SULF1: variants seen among roughly 807,000 people sequenced by gnomAD.
The protein encoded by SULF1 is extracellular sulfatase Sulf-1.
In SULF1, 46 loss-of-function variants were observed where a neutral mutation model predicts 110.5. The ratio of observed to expected loss-of-function variants is 0.42; its 90% CI spans 0.33 to 0.53. The LOEUF is 0.53. Among genes scored for constraint, SULF1 ranks in the 20% least tolerant of loss-of-function variants. The pLI is 0.12. For missense variants in SULF1, 941 were observed against 1,094.2 expected (o/e 0.86, Z 1.98); for synonymous variants, 371 against 387.1 (o/e 0.96, Z 0.49).
chr8:69,503,557 A>C (rs1005135506), intron 3 of SULF1, among the ~76,000 whole-genome samples: 3 of 152,210 alleles, frequency 2.0e-5, no homozygotes, highest in African/African-American at 7.2e-5. Flanking sequence ...TTATCTCTTG[A>C]ATCAGGTTGT....
At chr8:69,648,349 A>G (rs1812089182) in intron 22 of SULF1, among the ~76,000 whole-genome samples, 1 of 152,126 alleles carries the variant, frequency 6.6e-6, no homozygotes, top group African/African-American at 2.4e-5. Context: ...ATGCTTTATG[A>G]TTTTTCTGAT....
At chr8:69,593,503 T>C (rs1333557059) in intron 8 of SULF1, among the ~76,000 whole-genome samples, 2 of 152,204 alleles carry the variant, frequency 1.3e-5, no homozygotes, top group Non-Finnish European at 1.5e-5. Flanking sequence ...TGGCATCGGG[T>C]TATAACTACC....
intron 13 of SULF1, among the ~76,000 whole-genome samples, chr8:69,605,240 T>C (rs577871724): frequency 5.9e-5 from 9 of 152,278 alleles, no homozygotes; most frequent in Non-Finnish European, 1.0e-4. Context: ...AACTAGTCAC[T>C]GAAGAGTTGC....
At chr8:69,489,332 G>T (rs1309148368), upstream of SULF1, among the ~76,000 whole-genome samples, 1 of 152,110 alleles carries the variant, frequency 6.6e-6, no homozygotes. Flanking sequence ...CCAAGACCAT[G>T]TAATTAGCTA....
intron 1 of SULF1, among the ~76,000 whole-genome samples, chr8:69,486,542 G>A (rs970622602): frequency 2.6e-5 from 4 of 152,066 alleles, no homozygotes; most frequent in African/African-American, 9.7e-5. Context: ...TCTTCCCACA[G>A]TTTACTAGAG....
chr8:69,622,439 G>T (rs576768967), intron 14 of SULF1, among the ~76,000 whole-genome samples: 41 of 152,020 alleles, frequency 2.7e-4, no homozygotes, highest in Non-Finnish European at 4.7e-4. Context: ...AAAATTAGCT[G>T]GGCATGGTGG....
rs1815703449 is a variant in SULF1, at chr8:69,564,157, T to G, written c.172+10T>G. 6.2e-7 allele frequency: 1 copy of G among 1,613,866 alleles called. No homozygotes were observed. The highest frequency in any genetic ancestry group is 1.1e-5 in the South Asian group (1 of 91,068). On this transcript the variant is annotated intron_variant, in intron 5 of 22. Coordinates refer to ENST00000402687, the MANE Select transcript of SULF1 (RefSeq NM_001128205.2). ...CAAGATGTGGAGCTGGGTGAGACAC[T>G]GGACTCTTCACTTGTTAGTCTCTTT... is the stretch of plus-strand genomic sequence containing the variant.
At position 69,542,144 on chromosome 8, in the gene SULF1, A is replaced by G. The variant is rs556814476; in HGVS notation, c.-133-21395A>G. On this transcript the variant is annotated intron_variant, in intron 3 of 22. Transcript: ENST00000402687. ...AGCTGGTGACATACAGTTATATTCC[A>G]TTCTTCTTCCCATACCTTCCTCATT... 3.5e-4 allele frequency among the ~76,000 whole-genome samples: 54 copies of G among 152,298 alleles called. 1 individual carries two copies. Among genetic ancestry groups the G allele is most frequent in the African/African-American group, 1.2e-3 (49 of 41,558 alleles).
At chr8:69,565,892 C>T (rs192813589) in intron 5 of SULF1, among the ~76,000 whole-genome samples, 4 of 152,260 alleles carry the variant, frequency 2.6e-5, no homozygotes, top group South Asian at 2.1e-4. Context: ...TCACCCCCCT[C>T]GCCTCTATCC....
chr8:69,495,705 T>TA (rs1285838478), intron 1 of SULF1, 60 bp from the exon 2 acceptor site: 1 of 152,232 alleles, frequency 6.6e-6, no homozygotes, highest in Admixed American at 6.5e-5. Flanking sequence ...TACTTATTCA[T>TA]AAAAAGCACA....
At chr8:69,519,522 C>G (rs556665027) in intron 3 of SULF1, among the ~76,000 whole-genome samples, 2 of 151,984 alleles carry the variant, frequency 1.3e-5, no homozygotes, top group Middle Eastern at 3.2e-3. Flanking sequence ...CTATGCTAAC[C>G]TTACATAACA....
At chr8:69,545,423 G>A (rs907816448) in intron 3 of SULF1, among the ~76,000 whole-genome samples, 3 of 152,152 alleles carry the variant, frequency 2.0e-5, no homozygotes, top group Non-Finnish European at 4.4e-5. Context: ...AACCAAAATA[G>A]GGCCTTATTG....
chr8:69,477,734 T>A (rs111889270), intron 1 of SULF1, among the ~76,000 whole-genome samples: 10 of 152,180 alleles, frequency 6.6e-5, no homozygotes, highest in African/African-American at 2.4e-4. Flanking sequence ...AGTTAAGATT[T>A]CAGGAGCATG....
At position 69,555,122 on chromosome 8, in the gene SULF1, A is replaced by G. The variant is rs540325257; in HGVS notation, c.-133-8417A>G. Among the ~76,000 whole-genome samples the G allele has an allele frequency of 4.6e-5, 7 of 151,914 alleles. No homozygotes were observed. The East Asian group carries it at 1.4e-3, about 29-fold the overall frequency. On this transcript the variant is annotated intron_variant, in intron 3 of 22. Coordinates refer to ENST00000402687, the MANE Select transcript of SULF1 (RefSeq NM_001128205.2). The stretch of plus-strand genomic sequence containing the variant: ...TTTTTAAGGTTCTCCTGTAAGTAAT[A>G]CATTTTGAAAAAAAAATACAGCTAA...
At chr8:69,494,423 A>C (rs1364613615) in intron 1 of SULF1, among the ~76,000 whole-genome samples, 1 of 152,194 alleles carries the variant, frequency 6.6e-6, no homozygotes, top group African/African-American at 2.4e-5. Flanking sequence ...ATTAACACAC[A>C]TGGGAAATAT....
intron 3 of SULF1, among the ~76,000 whole-genome samples, chr8:69,538,509 T>A (rs188577221): frequency 2.0e-5 from 3 of 151,948 alleles, no homozygotes; most frequent in African/African-American, 7.3e-5. Context: ...AGAAGTTGAG[T>A]TGGTCTGAAA....
intron 3 of SULF1, among the ~76,000 whole-genome samples, chr8:69,533,129 C>G (rs1365010151): frequency 2.6e-5 from 4 of 152,182 alleles, no homozygotes; most frequent in African/African-American, 9.6e-5. Context: ...TTACCGATAC[C>G]TATTATCCCA....
chr8:69,528,262 A>C (rs1442250869), intron 3 of SULF1, among the ~76,000 whole-genome samples: 1 of 152,152 alleles, frequency 6.6e-6, no homozygotes, highest in Non-Finnish European at 1.5e-5. Flanking sequence ...AGAGGGTATA[A>C]ATATGCTAAT....
chr8:69,581,435 A>T (rs1343915673), intron 6 of SULF1, among the ~76,000 whole-genome samples: 2 of 152,182 alleles, frequency 1.3e-5, no homozygotes, highest in Non-Finnish European at 2.9e-5. Flanking sequence ...GCATGGCCTG[A>T]AGCCAACAAT....
Sources: gnomAD v4.1 joint callset for allele counts (sites outside exome capture counted in the v4.1 genomes callset) on GRCh38, gnomAD v4.1.1 for gene constraint, MANE v1.5 for transcripts, NCBI Gene and HGNC (gene_info 2026-07-23, HGNC 2026-07-21) for gene names.